Variants in OR7E24 observed in about 807,000 individuals in gnomAD.
The protein encoded by OR7E24 is olfactory receptor 7E24.
For missense variants in OR7E24, 385 were observed against 410.3 expected (o/e 0.94, Z 0.53); for synonymous variants, 130 against 157.5 (o/e 0.83, Z 1.31).
the OR7E24 span, among the ~76,000 whole-genome samples, chr19:9,239,901 G>T: frequency 6.6e-6 from 1 of 151,528 alleles, no homozygotes; most frequent in South Asian, 2.1e-4. Context: ...TAGAGATGGG[G>T]TTTCACCATA....
At position 9,251,682 on chromosome 19, in the gene OR7E24, T is replaced by A; in HGVS notation, c.639T>A (p.Asn213Lys). ...LHLRCSDTFINEMVIYFMGAI... is the reference protein window; with the variant it reads ...LHLRCSDTFIKEMVIYFMGAI... ...TTAGGTGTTCCGACACCTTCATCAA[T>A]GAAATGGTCATATATTTCATGGGTG... The change falls in exon 1 of 1, where the codon AAT becomes AAA. Residue 213 changes from asparagine (N) to lysine (K), a missense_variant. Transcript: ENST00000456448. 6.2e-7 allele frequency: 1 copy of A among 1,613,858 alleles called. No individual in the cohort carries two copies. Among genetic ancestry groups the A allele is most frequent in the Non-Finnish European group, 8.5e-7 (1 of 1,179,856 alleles).
chr19:9,252,386 A>C lies in OR7E24; in HGVS notation c.*323A>C. The C allele has an allele frequency of 5.6e-6, 1 of 179,584 alleles. No homozygotes were observed. The highest frequency in any genetic ancestry group is 1.2e-5 in the Non-Finnish European group (1 of 85,696). The allele number at this position is 179,584 out of a possible 1,614,324, so 11.1% of individuals were successfully genotyped here. ...GTTTTTGGAAACTGCAACTTTAAAAAAAAAGCGCAGCAGGTCCTGAAATAA... is the reference window on the plus strand; with the variant it reads ...GTTTTTGGAAACTGCAACTTTAAAACAAAAGCGCAGCAGGTCCTGAAATAA... On this transcript the variant is annotated 3_prime_UTR_variant, in exon 1 of 1. Coordinates refer to ENST00000456448, the MANE Select transcript of OR7E24 (RefSeq NM_001079935.2).
chr19:9,246,380 TTATAG>T (rs1486215256), upstream of OR7E24, among the ~76,000 whole-genome samples: 2 of 152,086 alleles, frequency 1.3e-5, no homozygotes, highest in African/African-American at 4.8e-5. Flanking sequence ...AATTTGCTTA[TTATAG>T]TAATTTGCTT....
At chr19:9,215,303 A>T in the OR7E24 span, among the ~76,000 whole-genome samples, 1 of 139,476 alleles carries the variant, frequency 7.2e-6, no homozygotes, top group Non-Finnish European at 1.5e-5. Context: ...AGATCATGGC[A>T]CTGCACTCCA....
the OR7E24 span, among the ~76,000 whole-genome samples, chr19:9,241,721 G>A: frequency 1.1e-4 from 16 of 152,260 alleles, no homozygotes; most frequent in East Asian, 2.1e-3. Flanking sequence ...CTGAGATTGC[G>A]CCATTGCATT....
upstream of OR7E24, among the ~76,000 whole-genome samples, chr19:9,244,675 T>C (rs1026434357): frequency 6.6e-6 from 1 of 152,344 alleles, no homozygotes; most frequent in Middle Eastern, 3.4e-3. Flanking sequence ...ACACTGGATT[T>C]CTTAGTGATT....
the OR7E24 span, among the ~76,000 whole-genome samples, chr19:9,232,037 T>G: frequency 6.6e-6 from 1 of 152,286 alleles, no homozygotes; most frequent in South Asian, 2.1e-4. Flanking sequence ...GGCAAGGGTT[T>G]CCATTTTAAC....
At chr19:9,214,489 CG>C in the OR7E24 span, 1 of 1,614,038 alleles carries the variant, frequency 6.2e-7, no homozygotes. Flanking sequence ...TAGGCCATCA[CG>C]GCCAGTAGGA....
At chr19:9,235,514 T>C in the OR7E24 span, 4 of 1,571,544 alleles carry the variant, frequency 2.5e-6, no homozygotes, top group Non-Finnish European at 3.5e-6. Context: ...GACCGGTTTG[T>C]GGCCATCTGC....
At chr19:9,206,571 T>A in the OR7E24 span, 3 of 152,182 alleles carry the variant, frequency 2.0e-5, no homozygotes, top group Non-Finnish European at 4.4e-5. Context: ...CAATAGCATC[T>A]TGGAAACTGC....
rs749090115 is a variant in OR7E24 at position 9,251,059 on chromosome 19, A to G, written c.16A>G (p.Ile6Val). Residue 6 changes from isoleucine to valine, a missense_variant, in exon 1 of 1, where the codon ATT becomes GTT. Ile to Val is a conservative substitution (Grantham distance 29). Coordinates refer to ENST00000456448, the MANE Select transcript of OR7E24 (RefSeq NM_001079935.2). The part of the protein sequence containing the change: MSYFP[I>V]LFFFFLKRCP... ...TGGTTTACTTATGTCCTATTTTCCA[A>G]TTCTCTTTTTTTTTTTCCTCAAAAG... 8.2e-6 allele frequency: 13 copies of G among 1,587,956 alleles called. No individual in the cohort carries two copies. The Admixed American group carries it at 2.0e-4, about 25-fold the overall frequency.
At chr19:9,217,223 T>G in the OR7E24 span, among the ~76,000 whole-genome samples, 1 of 152,048 alleles carries the variant, frequency 6.6e-6, no homozygotes, top group Non-Finnish European at 1.5e-5. Context: ...ACACATGCAG[T>G]TGAGTGGGAA....
chr19:9,222,612 AG>A, the OR7E24 span, among the ~76,000 whole-genome samples: 1 of 152,148 alleles, frequency 6.6e-6, no homozygotes, highest in East Asian at 1.9e-4. Flanking sequence ...GTTTGCTGTT[AG>A]TATATAGAAA....
upstream of OR7E24, among the ~76,000 whole-genome samples, chr19:9,246,469 TG>T (rs2066130740): frequency 4.7e-5 from 4 of 85,232 alleles, no homozygotes; most frequent in African/African-American, 3.2e-4. Flanking sequence ...AAAGGTATTG[TG>T]TGTGTGTGTG....
chr19:9,239,873 A>T, the OR7E24 span, among the ~76,000 whole-genome samples: 1 of 151,384 alleles, frequency 6.6e-6, no homozygotes, highest in African/African-American at 2.4e-5. Flanking sequence ...AGTGCCCGGC[A>T]AATTTTTGTA....
upstream of OR7E24, among the ~76,000 whole-genome samples, chr19:9,246,939 T>C (rs1467022572): frequency 1.3e-5 from 2 of 152,180 alleles, no homozygotes; most frequent in Non-Finnish European, 2.9e-5. Flanking sequence ...AGGATGGTTG[T>C]ACAACATTGT....
the OR7E24 span, among the ~76,000 whole-genome samples, chr19:9,227,845 C>T: frequency 6.7e-6 from 1 of 148,908 alleles, no homozygotes; most frequent in Non-Finnish European, 1.5e-5. Context: ...GCTCCGCCTC[C>T]CGGGTTCATG....
At chr19:9,220,406 G>A in the OR7E24 span, among the ~76,000 whole-genome samples, 64,561 of 151,960 alleles carry the variant, frequency 0.42, 17,810 homozygotes, top group African/African-American at 0.79. Flanking sequence ...TTTGAAATCT[G>A]GATTCTATTT....
At chr19:9,236,357 A>T in the OR7E24 span, among the ~76,000 whole-genome samples, 1 of 151,920 alleles carries the variant, frequency 6.6e-6, no homozygotes, top group African/African-American at 2.4e-5. Flanking sequence ...CAAAAACACA[A>T]AAATTAGCTG....
Sources: allele counts gnomAD v4.1 joint callset (sites outside exome capture counted in the v4.1 genomes callset), GRCh38; gene constraint gnomAD v4.1.1; transcripts MANE v1.5; gene names NCBI Gene and HGNC (gene_info 2026-07-23, HGNC 2026-07-21).